MARK3: variants seen among roughly 807,000 people sequenced by gnomAD.
The protein encoded by MARK3 is MAP/microtubule affinity-regulating kinase 3.
Under a neutral mutation model 90.1 loss-of-function variants are expected in MARK3, and 46 were observed. That is an observed-to-expected ratio of 0.51 (90% CI 0.40 to 0.65). MARK3 has a LOEUF of 0.65. MARK3 is among the 30% of genes least tolerant of loss of function. The probability of loss-of-function intolerance (pLI) is 0.00; values close to 1 mark genes in which losing one functional copy is unlikely to be tolerated. For synonymous variants in MARK3, 321 were observed against 332.6 expected (o/e 0.97, Z 0.38); for missense variants, 818 against 947.2 (o/e 0.86, Z 1.79).
chr14:103,407,007 G>A (rs1595507078), intron 2 of MARK3, among the ~76,000 whole-genome samples: 1 of 151,916 alleles, frequency 6.6e-6, no homozygotes, highest in East Asian at 1.9e-4. Context: ...CTAATTTTTT[G>A]TATTTTTAGT....
At chr14:103,448,853 A>C in intron 3 of MARK3, 66 bp from the exon 4 acceptor site, 1 of 1,419,902 alleles carries the variant, frequency 7.0e-7, no homozygotes. Flanking sequence ...ATATTACAAC[A>C]GTGGAATATA....
chr14:103,395,513 C>T (rs2090524505), intron 1 of MARK3, among the ~76,000 whole-genome samples: 1 of 152,164 alleles, frequency 6.6e-6, no homozygotes, highest in South Asian at 2.1e-4. Flanking sequence ...TGTTCTGCTG[C>T]ATAGTTGTCA....
At chr14:103,389,157 G>A (rs1398669610) in intron 1 of MARK3, among the ~76,000 whole-genome samples, 1 of 151,984 alleles carries the variant, frequency 6.6e-6, no homozygotes, top group African/African-American at 2.4e-5. Flanking sequence ...GAGGTCAGGA[G>A]ATCGAGACCA....
intron 3 of MARK3, among the ~76,000 whole-genome samples, chr14:103,440,763 G>A (rs2092830001): frequency 6.6e-6 from 1 of 151,730 alleles, no homozygotes; most frequent in Admixed American, 6.6e-5. Flanking sequence ...GCAAGACTCT[G>A]TATCTACAAA....
chr14:103,425,541 G>T (rs993794055), intron 2 of MARK3, among the ~76,000 whole-genome samples: 3 of 152,164 alleles, frequency 2.0e-5, no homozygotes, highest in Non-Finnish European at 4.4e-5. Flanking sequence ...ACAGGCATGA[G>T]CCACCTCACC....
chr14:103,475,050 C>T lies in MARK3; in HGVS notation c.1322C>T (p.Ala441Val). The change falls in exon 13 of 18, where the codon GCA becomes GTA. Residue 441 changes from alanine (A) to valine (V), a missense_variant. Ala to Val is a moderately conservative substitution (Grantham distance 64). Transcript: ENST00000429436. ...AYPKRSQTST[A>V]DSDLKEDGIS... ...CCGAAAAGGAGTCAGACCAGCACTG[C>T]AGATAGTGACCTCAAAGAAGATGGA... 1 of 1,614,192 alleles carries T rather than the reference C, an allele frequency of 6.2e-7. No individual in the cohort carries two copies. Among genetic ancestry groups the T allele is most frequent in the South Asian group, 1.1e-5 (1 of 91,084 alleles).
intron 3 of MARK3, chr14:103,429,360 T>C (rs2092510484): frequency 6.6e-6 from 1 of 152,256 alleles, no homozygotes. Context: ...TAATTTCATC[T>C]TCTTATGATG....
intron 2 of MARK3, among the ~76,000 whole-genome samples, chr14:103,423,361 A>T (rs2092293867): frequency 6.6e-6 from 1 of 152,140 alleles, no homozygotes; most frequent in Admixed American, 6.5e-5. Flanking sequence ...GGAGAAGCCC[A>T]TCTCATGTAT....
At chr14:103,502,133 C>G (rs2075703231) in intron 17 of MARK3, among the ~76,000 whole-genome samples, 1 of 152,212 alleles carries the variant, frequency 6.6e-6, no homozygotes, top group African/African-American at 2.4e-5. Flanking sequence ...AGACCCCGGC[C>G]TGGGCTCTAC....
At chr14:103,486,420 T>C (rs759959342) in intron 14 of MARK3, among the ~76,000 whole-genome samples, 2 of 151,998 alleles carry the variant, frequency 1.3e-5, no homozygotes, top group Admixed American at 6.6e-5. Context: ...GCCTGGACGG[T>C]AGAGCCAGAC....
At chr14:103,441,828 G>T (rs1261915242) in intron 3 of MARK3, among the ~76,000 whole-genome samples, 2 of 137,912 alleles carry the variant, frequency 1.5e-5, no homozygotes, top group Non-Finnish European at 3.2e-5. Flanking sequence ...TTCAGAAGTG[G>T]TTATTCTGGT....
At chr14:103,418,126 A>G (rs1217597850) in intron 2 of MARK3, among the ~76,000 whole-genome samples, 4 of 143,802 alleles carry the variant, frequency 2.8e-5, no homozygotes, top group East Asian at 2.0e-4. Context: ...CTCTTTGATC[A>G]TTTTCATCTG....
chr14:103,459,765 C>T (rs186732582), intron 6 of MARK3, among the ~76,000 whole-genome samples: 1 of 152,022 alleles, frequency 6.6e-6, no homozygotes, highest in African/African-American at 2.4e-5. Flanking sequence ...CTGCCCTCCT[C>T]AGCCTCCCAA....
chr14:103,417,807 C>G (rs937290198), intron 2 of MARK3, among the ~76,000 whole-genome samples: 3 of 152,056 alleles, frequency 2.0e-5, no homozygotes, highest in Admixed American at 6.6e-5. Flanking sequence ...TGACTCATGC[C>G]TGTAATCTCA....
chr14:103,396,098 C>A (rs1183586005), intron 1 of MARK3, among the ~76,000 whole-genome samples: 1 of 152,094 alleles, frequency 6.6e-6, no homozygotes, highest in Non-Finnish European at 1.5e-5. Context: ...GCCCTGTGTC[C>A]CCAAGCCCAG....
chr14:103,396,465 G>A (rs746357898), intron 1 of MARK3, among the ~76,000 whole-genome samples: 12 of 151,754 alleles, frequency 7.9e-5, no homozygotes, highest in Non-Finnish European at 1.6e-4. Flanking sequence ...TCATATTAAT[G>A]GAGTTTGGAG....
At position 103,497,384 on chromosome 14, in the gene MARK3, C is replaced by CT. The variant is rs1658911881; in HGVS notation, c.1845-1115dup. ...TGCTATGTACAGTTACAGAACTGGA[C>CT]TTTACAAATAGAAATTAACAAACTC... On this transcript the variant is annotated intron_variant, in intron 15 of 17. Transcript: ENST00000429436. Among the ~76,000 whole-genome samples the CT allele has an allele frequency of 2.6e-5, 4 of 152,308 alleles. No individual in the cohort carries two copies. In the South Asian group the frequency reaches 8.3e-4, roughly 32 times the overall value.
At chr14:103,397,139 G>A (rs11627052) in intron 1 of MARK3, among the ~76,000 whole-genome samples, 23,134 of 151,978 alleles carry the variant, frequency 0.15, 2,213 homozygotes, top group Middle Eastern at 0.24. Flanking sequence ...CTATTGGACA[G>A]CATTAGAGTA....
intron 1 of MARK3, among the ~76,000 whole-genome samples, chr14:103,387,653 C>T (rs1041755957): frequency 1.3e-5 from 2 of 151,852 alleles, no homozygotes; most frequent in African/African-American, 2.4e-5. Flanking sequence ...CCACCACGCC[C>T]GGCTAATTTT....
Sources: gnomAD v4.1 joint callset for allele counts (sites outside exome capture counted in the v4.1 genomes callset) on GRCh38, gnomAD v4.1.1 for gene constraint, MANE v1.5 for transcripts, NCBI Gene and HGNC (gene_info 2026-07-23, HGNC 2026-07-21) for gene names.